Variants in MARCHF1 observed in about 807,000 individuals in gnomAD.
MARCHF1 encodes the protein membrane associated ring-CH-type finger 1.
A neutral mutation model predicts 54.2 loss-of-function variants in MARCHF1; 40 were observed. The ratio of observed to expected loss-of-function variants is 0.74; its 90% CI spans 0.57 to 0.96. The LOEUF (loss-of-function observed/expected upper bound fraction) is 0.96, where lower values mean the gene tolerates loss of function less well. Ranked by LOEUF, MARCHF1 falls within the 40% of genes least tolerant of loss-of-function variation. The pLI is 0.00. For synonymous variants in MARCHF1, 236 were observed against 236.3 expected (o/e 1.00, Z 0.01); for missense variants, 586 against 656.5 (o/e 0.89, Z 1.17).
chr4:163,685,603 C>A (rs545685178), intron 5 of MARCHF1, among the ~76,000 whole-genome samples: 1 of 152,006 alleles, frequency 6.6e-6, no homozygotes, highest in Non-Finnish European at 1.5e-5. Flanking sequence ...TACAGGCATG[C>A]GCCACCACCC....
At chr4:163,903,985 T>G (rs1187306163) in intron 3 of MARCHF1, among the ~76,000 whole-genome samples, 1 of 152,196 alleles carries the variant, frequency 6.6e-6, no homozygotes, top group Non-Finnish European at 1.5e-5. Context: ...TTTTTAATTA[T>G]TGTGCTTAAA....
chr4:163,888,987 T>C (rs952200037), intron 3 of MARCHF1, among the ~76,000 whole-genome samples: 1 of 152,152 alleles, frequency 6.6e-6, no homozygotes, highest in African/African-American at 2.4e-5. Context: ...CAATAAATTA[T>C]ATCGATTATT....
At chr4:163,957,271 T>C (rs1752250064) in intron 3 of MARCHF1, among the ~76,000 whole-genome samples, 1 of 152,044 alleles carries the variant, frequency 6.6e-6, no homozygotes, top group African/African-American at 2.4e-5. Flanking sequence ...CAAAATTCTG[T>C]GTATGTGTGT....
At chr4:163,571,194 G>C (rs749019910) in intron 8 of MARCHF1, among the ~76,000 whole-genome samples, 2 of 152,050 alleles carry the variant, frequency 1.3e-5, no homozygotes, top group Non-Finnish European at 2.9e-5. Context: ...TACTTTAATA[G>C]TTGGAATTGG....
At position 164,081,232 on chromosome 4, in the gene MARCHF1, A is replaced by C. The variant is rs867375777; in HGVS notation, c.-248+30356T>G. Among the ~76,000 whole-genome samples the C allele has an allele frequency of 8.6e-3, 1,230 of 143,604 alleles. 33 individuals carry two copies. Among genetic ancestry groups the C allele is most frequent in the African/African-American group, 0.031 (1,160 of 36,896 alleles). 94.2% of individuals were successfully genotyped at this position (143,604 alleles called of 152,430 possible). On this transcript the variant is annotated intron_variant, in intron 2 of 9. Coordinates refer to ENST00000514618, the MANE Select transcript of MARCHF1 (RefSeq NM_001394959.1). Reference sequence around the variant, plus strand: ...CAAAAAAAAAAAAAAAAAAAAAAAAAAAAAAGAAATATTATTTGCATATTA... The same window carrying C: ...CAAAAAAAAAAAAAAAAAAAAAAAACAAAAAGAAATATTATTTGCATATTA...
intron 4 of MARCHF1, among the ~76,000 whole-genome samples, chr4:163,719,982 G>T (rs553708016): frequency 9.1e-4 from 138 of 152,242 alleles, no homozygotes; most frequent in African/African-American, 3.2e-3. Flanking sequence ...TAGGTTGCCT[G>T]TTCACTCTGA....
intron 3 of MARCHF1, among the ~76,000 whole-genome samples, chr4:163,941,617 G>A (rs1751914223): frequency 6.6e-6 from 1 of 152,096 alleles, no homozygotes; most frequent in African/African-American, 2.4e-5. Context: ...ACTATGCCAA[G>A]TTCTGCCTAA....
At chr4:163,699,810 G>C (rs977708133) in intron 5 of MARCHF1, among the ~76,000 whole-genome samples, 3 of 151,962 alleles carry the variant, frequency 2.0e-5, no homozygotes, top group African/African-American at 7.3e-5. Context: ...CCAAGCACCA[G>C]GTGTATATAT....
chr4:163,545,407 C>A (rs1738864214), intron 9 of MARCHF1, among the ~76,000 whole-genome samples, 189 bp downstream of exon 9: 1 of 152,142 alleles, frequency 6.6e-6, no homozygotes, highest in Non-Finnish European at 1.5e-5. Flanking sequence ...CTTGGGACTC[C>A]ATATAGTTAA....
At chr4:163,766,555 A>G (rs1746982928) in intron 4 of MARCHF1, among the ~76,000 whole-genome samples, 1 of 152,214 alleles carries the variant, frequency 6.6e-6, no homozygotes, top group Admixed American at 6.5e-5. Context: ...TGGCAAGAAC[A>G]TTCCATTGGC....
At chr4:164,208,189 G>C (rs1290627269) in intron 1 of MARCHF1, among the ~76,000 whole-genome samples, 1 of 152,166 alleles carries the variant, frequency 6.6e-6, no homozygotes, top group Non-Finnish European at 1.5e-5. Context: ...TGGAGAGGCA[G>C]GGAGGGGCCC....
chr4:163,873,860 T>C (rs1020050243), intron 3 of MARCHF1, among the ~76,000 whole-genome samples: 2 of 152,324 alleles, frequency 1.3e-5, no homozygotes, highest in South Asian at 2.1e-4. Context: ...TTTATGCGTT[T>C]ACCCTCATGT....
At chr4:163,792,001 G>A (rs1434235169) in intron 4 of MARCHF1, among the ~76,000 whole-genome samples, 3 of 152,122 alleles carry the variant, frequency 2.0e-5, no homozygotes, top group Non-Finnish European at 4.4e-5. Flanking sequence ...GGAATTAAGA[G>A]GGGAAAAAGT....
intron 2 of MARCHF1, among the ~76,000 whole-genome samples, chr4:164,094,882 A>G (rs1755377855): frequency 6.6e-6 from 1 of 152,164 alleles, no homozygotes; most frequent in Non-Finnish European, 1.5e-5. Flanking sequence ...TATTTCTGAG[A>G]AACACTCTAA....
intron 2 of MARCHF1, among the ~76,000 whole-genome samples, chr4:164,015,911 A>C (rs957372328): frequency 2.0e-5 from 3 of 152,042 alleles, no homozygotes; most frequent in Admixed American, 2.0e-4. Context: ...AAAAAAAAAA[A>C]AAACTAAAAA....
At chr4:164,379,905 G>A (rs920097671) in intron 1 of MARCHF1, among the ~76,000 whole-genome samples, 7 of 151,420 alleles carry the variant, frequency 4.6e-5, no homozygotes, top group African/African-American at 9.7e-5. Flanking sequence ...CAGTGATTGC[G>A]CCACTGCATT....
intron 3 of MARCHF1, among the ~76,000 whole-genome samples, chr4:163,916,157 T>C (rs1354036546): frequency 6.6e-6 from 1 of 152,014 alleles, no homozygotes; most frequent in East Asian, 1.9e-4. Flanking sequence ...TCTCGAAAAA[T>C]GTATGGAATG....
chr4:164,280,314 G>A (rs1235122957), intron 1 of MARCHF1, among the ~76,000 whole-genome samples: 1 of 151,746 alleles, frequency 6.6e-6, no homozygotes, highest in Non-Finnish European at 1.5e-5. Context: ...ATCTTCAAAC[G>A]GTGAACTCTT....
intron 2 of MARCHF1, among the ~76,000 whole-genome samples, chr4:164,104,439 TG>T (rs1755644997): frequency 1.9e-5 from 1 of 53,654 alleles, no homozygotes; most frequent in Non-Finnish European, 5.7e-5. Context: ...GCTTCATCCC[TG>T]GGATGCAAGG....
Sources: gnomAD v4.1 joint callset for allele counts (sites outside exome capture counted in the v4.1 genomes callset) on GRCh38, gnomAD v4.1.1 for gene constraint, MANE v1.5 for transcripts, NCBI Gene and HGNC (gene_info 2026-07-23, HGNC 2026-07-21) for gene names.